Variants in ADGRL3 observed in about 807,000 individuals in gnomAD.
The protein encoded by ADGRL3 is adhesion G protein-coupled receptor L3.
In ADGRL3, 62 loss-of-function variants were observed where a neutral mutation model predicts 153.5. The observed-to-expected ratio is 0.40, with a 90% CI of 0.33 to 0.50. The LOEUF is 0.50. Ranked by LOEUF, ADGRL3 falls within the 20% of genes least tolerant of loss-of-function variation. The pLI is 0.47. For synonymous variants in ADGRL3, 710 were observed against 672.5 expected, an observed-to-expected ratio of 1.06 and a Z score of -0.86; for missense variants, 1,641 against 1,859.4, an observed-to-expected ratio of 0.88 and a Z score of 2.16.
At chr4:61,816,045 A>T (rs926804119) in intron 9 of ADGRL3, among the ~76,000 whole-genome samples, 4 of 152,244 alleles carry the variant, frequency 2.6e-5, no homozygotes, top group African/African-American at 7.2e-5. Context: ...TTATAAATCA[A>T]TGCATTGCTT....
chr4:61,705,829 C>T (rs2095848555), intron 6 of ADGRL3, among the ~76,000 whole-genome samples: 1 of 152,036 alleles, frequency 6.6e-6, no homozygotes, highest in Non-Finnish European at 1.5e-5. Context: ...GAAAGGAAAC[C>T]TTTTTCTGAG....
intron 8 of ADGRL3, among the ~76,000 whole-genome samples, chr4:61,752,719 G>A (rs546264288): frequency 6.6e-6 from 1 of 152,250 alleles, no homozygotes; most frequent in South Asian, 2.1e-4. Context: ...GATTGCTTGA[G>A]CCCAGGAGTT....
chr4:61,766,134 C>A (rs57328855), intron 8 of ADGRL3, among the ~76,000 whole-genome samples: 3,809 of 151,958 alleles, frequency 0.025, 109 homozygotes, highest in East Asian at 0.077. Context: ...GAGATACAGT[C>A]ATGGGGGTCA....
intron 1 of ADGRL3, among the ~76,000 whole-genome samples, chr4:61,250,587 G>T (rs1009933018): frequency 2.0e-5 from 3 of 152,108 alleles, no homozygotes; most frequent in Admixed American, 6.6e-5. Flanking sequence ...TCTAAGAATT[G>T]CCAGTTATTC....
chr4:61,841,267 T>C (rs2098027491), intron 9 of ADGRL3, among the ~76,000 whole-genome samples: 1 of 152,026 alleles, frequency 6.6e-6, no homozygotes, highest in African/African-American at 2.4e-5. Flanking sequence ...TAACTGAAAA[T>C]TGTTGATCGC....
intron 1 of ADGRL3, among the ~76,000 whole-genome samples, chr4:61,231,655 T>C (rs4860088): frequency 1 from 151,762 of 152,180 alleles, 75,674 homozygotes; most frequent in Middle Eastern, 1. Context: ...CTTCCCTTGC[T>C]GCAGTGCTTC....
intron 8 of ADGRL3, among the ~76,000 whole-genome samples, chr4:61,745,983 C>G (rs530473710): frequency 3.6e-4 from 55 of 152,172 alleles, no homozygotes; most frequent in African/African-American, 1.3e-3. Flanking sequence ...TGCAGACACA[C>G]AAAAGCTCAA....
intron 1 of ADGRL3, among the ~76,000 whole-genome samples, chr4:61,346,189 C>T (rs1454440284): frequency 6.6e-6 from 1 of 151,702 alleles, no homozygotes; most frequent in Non-Finnish European, 1.5e-5. Context: ...ACATTTAAGC[C>T]CAAATGTTCT....
At chr4:61,811,914 A>G (rs1351992353) in intron 8 of ADGRL3, among the ~76,000 whole-genome samples, 1 of 152,138 alleles carries the variant, frequency 6.6e-6, no homozygotes, top group East Asian at 1.9e-4. Context: ...GAAAACCAAT[A>G]TTATTCTATA....
chr4:61,333,936 T>C (rs1025992667), intron 1 of ADGRL3, among the ~76,000 whole-genome samples: 1 of 134,228 alleles, frequency 7.5e-6, no homozygotes, highest in Admixed American at 7.8e-5. Flanking sequence ...TTTTTTTTTT[T>C]AGAAAGTCTC....
chr4:61,524,700 G>A (rs1028217515), intron 4 of ADGRL3, among the ~76,000 whole-genome samples: 4 of 152,000 alleles, frequency 2.6e-5, no homozygotes, highest in African/African-American at 9.7e-5. Context: ...GTTGTGAAAT[G>A]GTAAAGCATG....
intron 17 of ADGRL3, among the ~76,000 whole-genome samples, chr4:61,966,606 GAA>G (rs2099007907): frequency 2.0e-5 from 3 of 150,856 alleles, no homozygotes; most frequent in Non-Finnish European, 3.0e-5. Flanking sequence ...GTGTGTGTGT[GAA>G]TGAAAACAAA....
chr4:61,301,775 T>C lies in ADGRL3; in HGVS notation c.-239-81349T>C, dbSNP rs573933898. ...ATAAGAACAAATTTCAATTTGTCCA[T>C]GGACAAGGACAAATCTGAAATAACA... On this transcript the variant is annotated intron_variant, in intron 1 of 26. Transcript: ENST00000683033. Among the ~76,000 whole-genome samples, 104 of 152,254 alleles carry C rather than the reference T, an allele frequency of 6.8e-4. No homozygotes were observed. In the Middle Eastern group the frequency reaches 0.014, roughly 20 times the overall value.
chr4:61,860,116 C>A (rs780730491), intron 9 of ADGRL3, among the ~76,000 whole-genome samples: 4 of 152,146 alleles, frequency 2.6e-5, no homozygotes, highest in African/African-American at 7.2e-5. Flanking sequence ...TCCTTGTAGA[C>A]AGTCTTGATT....
At chr4:61,303,382 T>C (rs971765520) in intron 1 of ADGRL3, among the ~76,000 whole-genome samples, 2 of 152,132 alleles carry the variant, frequency 1.3e-5, no homozygotes, top group Non-Finnish European at 2.9e-5. Flanking sequence ...GTGCTTAGAA[T>C]GGTGCCCTGC....
At chr4:61,397,772 G>T (rs1338630071) in intron 2 of ADGRL3, among the ~76,000 whole-genome samples, 6 of 151,804 alleles carry the variant, frequency 4.0e-5, no homozygotes, top group Non-Finnish European at 8.8e-5. Flanking sequence ...AGGGTATGTT[G>T]AACCTCTTAT....
chr4:62,050,703 T>C (rs1733628477), intron 25 of ADGRL3, among the ~76,000 whole-genome samples: 1 of 152,034 alleles, frequency 6.6e-6, no homozygotes, highest in African/African-American at 2.4e-5. Flanking sequence ...CTGTAGTTTA[T>C]TAATGTCAAT....
intron 4 of ADGRL3, among the ~76,000 whole-genome samples, chr4:61,522,086 A>G (rs1373244300): frequency 3.3e-5 from 5 of 152,118 alleles, no homozygotes; most frequent in African/African-American, 9.7e-5. Context: ...AGTAATACCT[A>G]GCAGGGATAT....
chr4:61,470,417 C>G (rs2097934825), intron 2 of ADGRL3, among the ~76,000 whole-genome samples: 1 of 151,782 alleles, frequency 6.6e-6, no homozygotes, highest in South Asian at 2.1e-4. Flanking sequence ...TAGACACTGC[C>G]TTTTTTGTTG....
Sources: allele counts gnomAD v4.1 joint callset (sites outside exome capture counted in the v4.1 genomes callset), GRCh38; gene constraint gnomAD v4.1.1; transcripts MANE v1.5; gene names NCBI Gene and HGNC (gene_info 2026-07-23, HGNC 2026-07-21).